SHISA9: variants seen among roughly 807,000 people sequenced by gnomAD.
SHISA9 encodes shisa family member 9, also known as protein shisa-9.
Under a neutral mutation model 38.0 loss-of-function variants are expected in SHISA9, and 13 were observed. That is an observed-to-expected ratio of 0.34 (90% CI 0.22 to 0.54). The LOEUF (loss-of-function observed/expected upper bound fraction) is 0.54. Among genes scored for constraint, SHISA9 ranks in the 20% least tolerant of loss-of-function variants. The pLI is 0.91. For synonymous variants in SHISA9, 275 were observed against 242.0 expected, an observed-to-expected ratio of 1.14 and a Z score of -1.27; for missense variants, 538 against 575.8, an observed-to-expected ratio of 0.93 and a Z score of 0.67.
intron 2 of SHISA9, among the ~76,000 whole-genome samples, chr16:13,195,915 C>T (rs1254721520): frequency 6.6e-6 from 1 of 151,138 alleles, no homozygotes; most frequent in Non-Finnish European, 1.5e-5. Flanking sequence ...TGGTGAAACC[C>T]TGTCTCTACT....
At chr16:12,922,842 G>C (rs909338842) in intron 2 of SHISA9, among the ~76,000 whole-genome samples, 3 of 151,936 alleles carry the variant, frequency 2.0e-5, no homozygotes, top group African/African-American at 7.3e-5. Context: ...ATAGCATTTT[G>C]TTCTCTTGGA....
intron 2 of SHISA9, among the ~76,000 whole-genome samples, chr16:13,168,047 TG>T (rs1369698478): frequency 1.3e-5 from 2 of 152,202 alleles, no homozygotes; most frequent in Non-Finnish European, 2.9e-5. Flanking sequence ...TTTGATGTCT[TG>T]GCACCTTGCT....
chr16:13,051,283 G>A (rs1260441470), intron 2 of SHISA9, among the ~76,000 whole-genome samples: 2 of 152,284 alleles, frequency 1.3e-5, no homozygotes, highest in African/African-American at 4.8e-5. Context: ...ATGTGCAGGG[G>A]AACTCCCATT....
downstream of SHISA9, among the ~76,000 whole-genome samples, chr16:13,243,614 G>A (rs1032205183): frequency 4.6e-5 from 7 of 152,108 alleles, no homozygotes; most frequent in Non-Finnish European, 1.0e-4. Flanking sequence ...GCTTCAGAGA[G>A]AACAGGCTCT....
At chr16:13,172,699 A>G (rs548847495) in intron 2 of SHISA9, among the ~76,000 whole-genome samples, 47 of 151,846 alleles carry the variant, frequency 3.1e-4, no homozygotes, top group African/African-American at 1.1e-3. Flanking sequence ...GAGAGTACCA[A>G]GAACAATCAT....
intron 2 of SHISA9, among the ~76,000 whole-genome samples, chr16:13,046,065 A>C (rs2073185179): frequency 6.6e-6 from 1 of 152,184 alleles, no homozygotes; most frequent in African/African-American, 2.4e-5. Flanking sequence ...ATCAGGCATC[A>C]CTGAGGGTCT....
the SHISA9 span, among the ~76,000 whole-genome samples, chr16:13,293,571 T>A: frequency 1.3e-5 from 2 of 152,342 alleles, no homozygotes; most frequent in East Asian, 3.9e-4. Flanking sequence ...ATATATATAA[T>A]GTACTAGTAC....
chr16:12,908,675 C>T (rs1340168536), intron 1 of SHISA9: 2 of 1,530,388 alleles, frequency 1.3e-6, no homozygotes, highest in Non-Finnish European at 1.8e-6. Context: ...TACGCGATGC[C>T]CTGCAAACAA....
the SHISA9 span, among the ~76,000 whole-genome samples, chr16:13,399,734 G>A: frequency 6.6e-6 from 1 of 152,200 alleles, no homozygotes; most frequent in Non-Finnish European, 1.5e-5. Flanking sequence ...GGGTGCCTGC[G>A]TGTATCTGAC....
At chr16:13,089,791 G>T (rs28815236) in intron 2 of SHISA9, among the ~76,000 whole-genome samples, 14,950 of 152,010 alleles carry the variant, frequency 0.098, 972 homozygotes, top group Admixed American at 0.2. Flanking sequence ...TTTTTTGTGT[G>T]TCTATCTCTT....
At chr16:13,367,396 C>T in the SHISA9 span, among the ~76,000 whole-genome samples, 2 of 150,482 alleles carry the variant, frequency 1.3e-5, no homozygotes, top group South Asian at 4.3e-4. Context: ...GTATCAGTCA[C>T]GTTATAGACA....
chr16:13,050,175 T>C (rs2073234253), intron 2 of SHISA9, among the ~76,000 whole-genome samples: 1 of 152,192 alleles, frequency 6.6e-6, no homozygotes, highest in African/African-American at 2.4e-5. Context: ...TATGGTCTTA[T>C]TTGTGATATT....
chr16:13,418,873 G>A, the SHISA9 span, among the ~76,000 whole-genome samples: 2 of 152,214 alleles, frequency 1.3e-5, no homozygotes, highest in Non-Finnish European at 1.5e-5. Flanking sequence ...TAGCAGTGCA[G>A]GACAAGAACA....
intron 2 of SHISA9, among the ~76,000 whole-genome samples, chr16:12,938,968 T>C: frequency 6.6e-6 from 1 of 152,174 alleles, no homozygotes; most frequent in East Asian, 1.9e-4. Flanking sequence ...AAGTAAGCAT[T>C]GAGGGTGGAT....
chr16:13,095,024 A>G (rs1237219839), intron 2 of SHISA9, among the ~76,000 whole-genome samples: 32 of 152,208 alleles, frequency 2.1e-4, no homozygotes, highest in Admixed American at 2.1e-3. Flanking sequence ...AGATGTGATC[A>G]GGCATTTTCT....
In SHISA9 at chr16:12,903,727, C is replaced by T. The variant is rs188280654; in HGVS notation, c.563+1100C>T. Among the ~76,000 whole-genome samples, 17 of 152,124 alleles carry T rather than the reference C, an allele frequency of 1.1e-4. No homozygotes were observed. The East Asian group carries it at 2.7e-3, about 24-fold the overall frequency. ...AGCTTTAACTGTCCCCTTTCAGAGT[C>T]TGGGCAACGAAGTCGCTGTATTTTT... On this transcript the variant is annotated intron_variant, in intron 1 of 4. Coordinates refer to ENST00000558583, the MANE Select transcript of SHISA9 (RefSeq NM_001145204.3).
At chr16:13,171,585 T>G (rs2050687087) in intron 2 of SHISA9, among the ~76,000 whole-genome samples, 1 of 151,208 alleles carries the variant, frequency 6.6e-6, no homozygotes, top group African/African-American at 2.4e-5. Flanking sequence ...GCAGAGGAAA[T>G]AGTACTTGCC....
intron 2 of SHISA9, among the ~76,000 whole-genome samples, chr16:13,000,125 T>C (rs2141840570): frequency 6.6e-6 from 1 of 152,246 alleles, no homozygotes; most frequent in African/African-American, 2.4e-5. Context: ...TTAGGGACAC[T>C]TAGCATTCAA....
At chr16:13,542,531 C>G in the SHISA9 span, among the ~76,000 whole-genome samples, 104,910 of 151,974 alleles carry the variant, frequency 0.69, 36,722 homozygotes, top group East Asian at 0.97. Flanking sequence ...CAAGCTCACA[C>G]CTGTGTTTTC....
Sources: gnomAD v4.1 joint callset for allele counts (sites outside exome capture counted in the v4.1 genomes callset) on GRCh38, gnomAD v4.1.1 for gene constraint, MANE v1.5 for transcripts, NCBI Gene and HGNC (gene_info 2026-07-23, HGNC 2026-07-21) for gene names.